DOK7: variants seen among roughly 807,000 people sequenced by gnomAD.
DOK7 encodes the protein docking protein 7, also known as protein Dok-7.
Under a neutral mutation model 30.7 loss-of-function variants are expected in DOK7, and 32 were observed. That is an observed-to-expected ratio of 1.04 (90% CI 0.79 to 1.40). The LOEUF (loss-of-function observed/expected upper bound fraction) is 1.40. Among genes scored for constraint, DOK7 ranks in the 40% most tolerant of loss-of-function variants. DOK7 has a pLI of 0.00. For synonymous variants in DOK7, 447 were observed against 324.1 expected (o/e 1.38, Z -4.07); for missense variants, 1,007 against 699.2 (o/e 1.44, Z -4.97).
At chr4:3,495,150 A>C (rs911778403), downstream of DOK7, among the ~76,000 whole-genome samples, 1 of 151,834 alleles carries the variant, frequency 6.6e-6, no homozygotes, top group Non-Finnish European at 1.5e-5. Flanking sequence ...GGGATGACAG[A>C]CCCCGCCTCA....
Position 3,492,714 on chromosome 4 carries a change from A to G in DOK7, c.773-45A>G, listed in dbSNP as rs1298981259. ...CAGGCATCAGCCACGTCCTGCCCAG[A>G]CCCCTGTACCCCCACAACTGCCTTG... On this transcript the variant is annotated intron_variant, in intron 6 of 6. Coordinates refer to ENST00000340083, the MANE Select transcript of DOK7 (RefSeq NM_173660.5). 2.4e-5 allele frequency: 38 copies of G among 1,587,554 alleles called. 1 individual carries two copies. Among genetic ancestry groups the G allele is most frequent in the Middle Eastern group, 3.4e-4 (2 of 5,960 alleles).
chr4:3,483,205 G>T, intron 4 of DOK7, among the ~76,000 whole-genome samples: 1 of 84,784 alleles, frequency 1.2e-5, no homozygotes, highest in Non-Finnish European at 2.4e-5. Context: ...GGTGTGGAGG[G>T]TGGGGACGGC....
intron 2 of DOK7, among the ~76,000 whole-genome samples, chr4:3,468,541 T>TGAGTGTGTGTGACTGTGA (rs1491364289): frequency 1.5e-4 from 15 of 101,738 alleles, no homozygotes; most frequent in Middle Eastern, 5.4e-3. Context: ...TGTGAGTGTA[T>TGAGTGTGTGTGACTGTGA]GTGTGTGTGC....
rs746946329 is a variant in DOK7, at chr4:3,476,497, G to A, written c.487G>A (p.Val163Met). The change falls in exon 4 of 7, where the codon GTG becomes ATG. Residue 163 changes from valine to methionine, a missense_variant. Coordinates refer to ENST00000340083, the MANE Select transcript of DOK7 (RefSeq NM_173660.5). Reference sequence around the variant, plus strand: ...GTCTGACCTCCGGCGCTACGGGGCCGTGCCAAGCGGATTCATCTTTGAAGG... The same window carrying A: ...GTCTGACCTCCGGCGCTACGGGGCCATGCCAAGCGGATTCATCTTTGAAGG... ...KLSDLRRYGA[V>M]PSGFIFEGGT... is the part of the protein sequence containing the mutation. 5.6e-6 allele frequency: 9 copies of A among 1,613,768 alleles called. No homozygotes were observed. Among genetic ancestry groups the A allele is most frequent in the Middle Eastern group, 3.3e-4 (2 of 6,084 alleles).
intron 6 of DOK7, among the ~76,000 whole-genome samples, chr4:3,490,815 TCATTCCTGCCTTCCCCC>T (rs1011730818): frequency 1.8e-5 from 1 of 55,864 alleles, no homozygotes; most frequent in African/African-American, 8.1e-5. Flanking sequence ...CCCCGCTCAT[TCATTCCTGCCTTCCCCC>T]CATTCATTCC....
At chr4:3,483,326 G>C (rs1461973110) in intron 4 of DOK7, among the ~76,000 whole-genome samples, 3 of 151,526 alleles carry the variant, frequency 2.0e-5, no homozygotes, top group Non-Finnish European at 3.0e-5. Context: ...TCCCAAGACC[G>C]GGGGGGGCTG....
At chr4:3,490,380 A>ATT (rs1728207641) in intron 6 of DOK7, among the ~76,000 whole-genome samples, 1 of 28,822 alleles carries the variant, frequency 3.5e-5, no homozygotes, top group Non-Finnish European at 6.1e-5. Context: ...CCTTCCCCCC[A>ATT]CCCCCTGCTC....
At position 3,467,457 on chromosome 4, in the gene DOK7, C is replaced by CA. The variant is rs533045374; in HGVS notation, c.100+3906_100+3907insA. Among the ~76,000 whole-genome samples the CA allele has an allele frequency of 9.6e-3, 1,212 of 126,216 alleles. 9 individuals are homozygous for CA. The highest frequency in any genetic ancestry group is 0.033 in the African/African-American group (1,114 of 33,478). The allele number at this position is 126,216 out of a possible 152,430, so 82.8% of individuals were successfully genotyped here. On this transcript the variant is annotated intron_variant, in intron 2 of 6. Transcript: ENST00000340083. ...TCACGTGTCCAGGGAAGACCCCCCC[C>CA]CCCCACCCCAGACATCCCTCCCCAA...
intron 2 of DOK7, among the ~76,000 whole-genome samples, chr4:3,468,867 A>C (rs926534490): frequency 1.5e-5 from 2 of 129,236 alleles, no homozygotes; most frequent in Non-Finnish European, 3.2e-5. Context: ...ATGAGTGTGC[A>C]TGCCTGTGTA....
Position 3,493,854 on chromosome 4 carries a change from G to T in DOK7, c.*353G>T. ...GGTGCCAAGGGCTGGAGGCCCTGCC[G>T]CTGGCCTTGTCCTCCTTGGGCCTCA... On this transcript the variant is annotated 3_prime_UTR_variant, in exon 7 of 7. Coordinates refer to ENST00000340083, the MANE Select transcript of DOK7 (RefSeq NM_173660.5). 1.7e-6 allele frequency: 2 copies of T among 1,168,654 alleles called. No individual in the cohort carries two copies. The highest frequency in any genetic ancestry group is 1.6e-5 in the African/African-American group (1 of 62,100). The allele number at this position is 1,168,654 out of a possible 1,614,324, so 72.4% of individuals were successfully genotyped here. A position where few individuals can be genotyped will look rare whatever the true frequency, so the allele number is the denominator to read the frequency against.
chr4:3,479,056 G>A (rs1187952460), intron 4 of DOK7, among the ~76,000 whole-genome samples: 1 of 152,174 alleles, frequency 6.6e-6, no homozygotes, highest in African/African-American at 2.4e-5. Context: ...GTCCAGAACG[G>A]GTTCCTTCTG....
In DOK7 at chr4:3,493,439, C is replaced by T. The variant is rs764633437; in HGVS notation, c.1453C>T (p.Pro485Ser). 4.4e-6 allele frequency: 7 copies of T among 1,606,524 alleles called. No individual in the cohort carries two copies. The Admixed American group carries it at 5.0e-5, about 12-fold the overall frequency. ...WEAGGPHAGP[P>S]PAFFSACPVC... The stretch of plus-strand genomic sequence containing the variant: ...AGCAGGCGGCCCCCACGCGGGGCCA[C>T]CCCCGGCTTTCTTTTCGGCATGTCC... The change falls in exon 7 of 7, where the codon CCC (proline) becomes TCC (serine). Residue 485 changes from proline to serine, a missense_variant. Pro to Ser is a moderately conservative substitution (Grantham distance 74, BLOSUM62 -1). Coordinates refer to ENST00000340083, the MANE Select transcript of DOK7 (RefSeq NM_173660.5).
At position 3,473,429 on chromosome 4, in the gene DOK7, A is replaced by C; in HGVS notation, c.124A>C (p.Lys42Gln). Reference sequence around the variant, plus strand: ...AGACTGCCTGCTGATGCTGGTCTACAAGGACAAGTCGGAGCGTATCAAGGG... The same window carrying C: ...AGACTGCCTGCTGATGCTGGTCTACCAGGACAAGTCGGAGCGTATCAAGGG... ...VADCLLMLVYKDKSERIKGLR... is the reference protein window; with the variant it reads ...VADCLLMLVYQDKSERIKGLR... Residue 42 changes from lysine to glutamine, a missense_variant, in exon 3 of 7, where the codon AAG (lysine) becomes CAG (glutamine). Coordinates refer to ENST00000340083, the MANE Select transcript of DOK7 (RefSeq NM_173660.5). 1 of 1,610,994 alleles carries C rather than the reference A, an allele frequency of 6.2e-7. No individual in the cohort carries two copies. Among genetic ancestry groups the C allele is most frequent in the Non-Finnish European group, 8.5e-7 (1 of 1,179,810 alleles).
intron 2 of DOK7, among the ~76,000 whole-genome samples, chr4:3,465,791 G>A (rs895880825): frequency 3.3e-5 from 5 of 152,204 alleles, no homozygotes; most frequent in African/African-American, 4.8e-5. Context: ...TCCTCACTGC[G>A]GAATGCGTGT....
chr4:3,469,584 G>A (rs1395608740), intron 2 of DOK7, among the ~76,000 whole-genome samples: 2 of 152,204 alleles, frequency 1.3e-5, no homozygotes, highest in East Asian at 1.9e-4. Flanking sequence ...TGGGCCTGGC[G>A]CCCGGGGAGC....
chr4:3,494,181 A>T lies in DOK7; in HGVS notation c.*680A>T. ...CCTCGCCTGCTGACCCCACTGGGAGAGGCGCCGTGCCTCGGGCCCCTGGTG... is the reference window on the plus strand; with the variant it reads ...CCTCGCCTGCTGACCCCACTGGGAGTGGCGCCGTGCCTCGGGCCCCTGGTG... On this transcript the variant is annotated 3_prime_UTR_variant, in exon 7 of 7. Transcript: ENST00000340083. The T allele has an allele frequency of 1.0e-6, 1 of 985,476 alleles. No homozygotes were observed. Among genetic ancestry groups the T allele is most frequent in the Non-Finnish European group, 1.2e-6 (1 of 829,972 alleles). The allele number at this position is 985,476 out of a possible 1,614,324, so 61.0% of individuals were successfully genotyped here. A position where few individuals can be genotyped will look rare whatever the true frequency, so the allele number is the denominator to read the frequency against.
rs751841491 is a variant in DOK7 at position 3,493,510 on chromosome 4, G to C, written c.*9G>C. 1.8e-5 allele frequency: 29 copies of C among 1,610,154 alleles called. No homozygotes were observed. The highest frequency in any genetic ancestry group is 2.4e-5 in the Non-Finnish European group (28 of 1,178,948). On this transcript the variant is annotated 3_prime_UTR_variant, in exon 7 of 7. Transcript: ENST00000340083. ...TAAACCCCCCTCCTTGAGAGCCGCA[G>C]ATCCCGCCCCGCGGCTGCAAAGGGG...
chr4:3,499,983 G>C (rs973737889), intron 6 of DOK7, among the ~76,000 whole-genome samples: 1 of 151,890 alleles, frequency 6.6e-6, no homozygotes, highest in Admixed American at 6.5e-5. Flanking sequence ...AATTCCTGCA[G>C]GGGAGGCGGC....
chr4:3,479,024 G>A (rs549825162), intron 4 of DOK7, among the ~76,000 whole-genome samples: 4 of 152,298 alleles, frequency 2.6e-5, no homozygotes, highest in African/African-American at 9.6e-5. Flanking sequence ...TGTAGCAGAT[G>A]ACCCCCAAGA....
Sources: allele counts gnomAD v4.1 joint callset (sites outside exome capture counted in the v4.1 genomes callset), GRCh38; gene constraint gnomAD v4.1.1; transcripts MANE v1.5; gene names NCBI Gene and HGNC (gene_info 2026-07-23, HGNC 2026-07-21).